ETFA: variants seen among roughly 807,000 people sequenced by gnomAD.
The protein encoded by ETFA is electron transfer flavoprotein subunit alpha, mitochondrial.
A neutral mutation model predicts 46.2 loss-of-function variants in ETFA; 22 were observed. The observed-to-expected ratio is 0.48, with a 90% CI of 0.34 to 0.68. The LOEUF (loss-of-function observed/expected upper bound fraction) is 0.68, where lower values mean the gene tolerates loss of function less well. Among genes scored for constraint, ETFA ranks in the 30% least tolerant of loss-of-function variants. The pLI, the probability that ETFA is intolerant of heterozygous loss-of-function variation, is 0.01. For missense variants in ETFA, 345 were observed against 401.1 expected (o/e 0.86, Z 1.19); for synonymous variants, 131 against 139.9 (o/e 0.94, Z 0.45).
chr15:76,233,906 G>A (rs2039095554), intron 9 of ETFA, among the ~76,000 whole-genome samples: 1 of 152,166 alleles, frequency 6.6e-6, no homozygotes, highest in Admixed American at 6.5e-5. Context: ...AAAGCTCCAT[G>A]TGCATTATAA....
intron 5 of ETFA, among the ~76,000 whole-genome samples, chr15:76,287,126 T>C (rs1454265462): frequency 6.6e-6 from 1 of 152,202 alleles, no homozygotes; most frequent in African/African-American, 2.4e-5. Context: ...GAGACCAGTG[T>C]GCTAAGCAAA....
chr15:76,298,347 T>A (rs927990219), intron 1 of ETFA, among the ~76,000 whole-genome samples: 1 of 152,062 alleles, frequency 6.6e-6, no homozygotes, highest in Non-Finnish European at 1.5e-5. Flanking sequence ...CTAGCCAAGA[T>A]TAGAGATTTT....
chr15:76,245,579 A>G (rs778945661), intron 9 of ETFA, among the ~76,000 whole-genome samples: 1 of 152,230 alleles, frequency 6.6e-6, no homozygotes, highest in Non-Finnish European at 1.5e-5. Context: ...ACATTTTTCA[A>G]AAACTGCTTA....
At chr15:76,269,965 T>C (rs754789432) in intron 9 of ETFA, among the ~76,000 whole-genome samples, 1 of 152,258 alleles carries the variant, frequency 6.6e-6, no homozygotes, top group Admixed American at 6.5e-5. Flanking sequence ...ATAAGGAAGA[T>C]GTTTAAATGG....
chr15:76,277,498 CAAAAACAAAAAAA>C (rs890514151), intron 8 of ETFA, among the ~76,000 whole-genome samples: 1 of 7,826 alleles, frequency 1.3e-4, no homozygotes, highest in Non-Finnish European at 7.0e-4. Flanking sequence ...TTGTCAAAAA[CAAAAACAAAAAAA>C]AAAAACAAAA....
intron 11 of ETFA, 117 bp downstream of exon 11, chr15:76,225,732 C>T: frequency 1.3e-6 from 1 of 793,068 alleles, no homozygotes; most frequent in Non-Finnish European, 2.3e-6. Context: ...AGTATACATA[C>T]AAACACAGAC....
At chr15:76,261,257 G>A in intron 9 of ETFA, 1 of 1,570,784 alleles carries the variant, frequency 6.4e-7, no homozygotes, top group Non-Finnish European at 8.7e-7. Flanking sequence ...GCATTGGGTG[G>A]CACTGCCAGA....
intron 9 of ETFA, among the ~76,000 whole-genome samples, chr15:76,232,802 C>T (rs1052778585): frequency 4.6e-5 from 7 of 152,116 alleles, no homozygotes; most frequent in African/African-American, 7.2e-5. Flanking sequence ...AAGAAAGCTC[C>T]CCAGGATACT....
intron 9 of ETFA, among the ~76,000 whole-genome samples, chr15:76,239,996 GC>G (rs1350176230): frequency 6.6e-6 from 1 of 152,186 alleles, no homozygotes; most frequent in Non-Finnish European, 1.5e-5. Flanking sequence ...CCAGCTGGAA[GC>G]CCTTCAAGGA....
At chr15:76,295,105 T>TAAC (rs545294285) in intron 2 of ETFA, among the ~76,000 whole-genome samples, 32 of 152,044 alleles carry the variant, frequency 2.1e-4, no homozygotes, top group South Asian at 1.7e-3. Flanking sequence ...ATTTCAACAA[T>TAAC]AACAACAACA....
intron 8 of ETFA, among the ~76,000 whole-genome samples, chr15:76,275,032 G>A (rs2039578226): frequency 6.6e-6 from 1 of 152,076 alleles, no homozygotes; most frequent in Admixed American, 6.6e-5. Context: ...AAGGACAGAG[G>A]GAGCCATAGA....
Position 76,286,438 on chromosome 15 carries a change from C to T in ETFA, c.495G>A (p.Val165=). The part of the protein sequence containing the change: ...CTVKCDEKVK[V]FSVRGTSFDA... ...CAAAGGATGTTCCACGGACAGAAAA[C>T]ACTTTCACTTTCTCATCACACTTCA... The change falls in exon 6 of 12, where the codon GTG becomes GTA. Residue 165 remains valine, a synonymous_variant. Coordinates refer to ENST00000557943, the MANE Select transcript of ETFA (RefSeq NM_000126.4). 1 of 1,613,558 alleles carries T rather than the reference C, an allele frequency of 6.2e-7. No homozygotes were observed. Among genetic ancestry groups the T allele is most frequent in the Non-Finnish European group, 8.5e-7 (1 of 1,179,504 alleles).
intron 4 of ETFA, 52 bp from the exon 5 acceptor site, chr15:76,287,997 T>A (rs754069167): frequency 5.4e-6 from 6 of 1,106,698 alleles, no homozygotes; most frequent in Non-Finnish European, 7.0e-6. Flanking sequence ...GATGGAAGAC[T>A]ATAAATGATC....
At chr15:76,235,940 T>C (rs1417446562) in intron 9 of ETFA, among the ~76,000 whole-genome samples, 1 of 152,254 alleles carries the variant, frequency 6.6e-6, no homozygotes, top group African/African-American at 2.4e-5. Flanking sequence ...CCTGGCTTAA[T>C]GATAAAACTG....
chr15:76,295,481 G>T, intron 2 of ETFA, 110 bp downstream of exon 2: 1 of 920,134 alleles, frequency 1.1e-6, no homozygotes. Context: ...ATTTAATGAG[G>T]ATTAGAGCCC....
intron 9 of ETFA, among the ~76,000 whole-genome samples, chr15:76,232,019 C>A (rs528332153): frequency 3.3e-4 from 50 of 152,148 alleles, no homozygotes; most frequent in African/African-American, 1.0e-3. Flanking sequence ...CACACACACA[C>A]ATTCTCTCTG....
chr15:76,270,244 G>C (rs542670256), intron 9 of ETFA, among the ~76,000 whole-genome samples: 1 of 152,280 alleles, frequency 6.6e-6, no homozygotes, highest in African/African-American at 2.4e-5. Context: ...GTTGGAGCTT[G>C]AGTGGGGCAA....
intron 9 of ETFA, among the ~76,000 whole-genome samples, chr15:76,243,357 T>A (rs1196616572): frequency 2.5e-4 from 38 of 152,088 alleles, no homozygotes; most frequent in Non-Finnish European, 5.9e-5. Context: ...CTAGAAACCT[T>A]GACAGAAACC....
At chr15:76,285,760 A>G (rs746125734) in intron 6 of ETFA, 22 bp from the exon 7 acceptor site, 6 of 1,309,812 alleles carry the variant, frequency 4.6e-6, no homozygotes, top group African/African-American at 4.3e-5. Flanking sequence ...AATACATAAT[A>G]AAACAATGAC....
Sources: gnomAD v4.1 joint callset for allele counts (sites outside exome capture counted in the v4.1 genomes callset) on GRCh38, gnomAD v4.1.1 for gene constraint, MANE v1.5 for transcripts, NCBI Gene and HGNC (gene_info 2026-07-23, HGNC 2026-07-21) for gene names.